SERGEF: variants seen among roughly 807,000 people sequenced by gnomAD.
SERGEF encodes the protein secretion-regulating guanine nucleotide exchange factor.
SERGEF carries 51 observed loss-of-function variants against 50.0 expected under a neutral mutation model. The observed-to-expected ratio is 1.02, with a 90% CI of 0.81 to 1.29. The LOEUF is 1.29. Among genes scored for constraint, SERGEF ranks in the 50% most tolerant of loss-of-function variants. SERGEF has a pLI of 0.00. For missense variants in SERGEF, 521 were observed against 557.0 expected (o/e 0.94, Z 0.65); for synonymous variants, 205 against 212.4 (o/e 0.97, Z 0.30).
At chr11:17,824,097 T>G (rs1479175896) in intron 10 of SERGEF, among the ~76,000 whole-genome samples, 2 of 152,112 alleles carry the variant, frequency 1.3e-5, no homozygotes, top group Non-Finnish European at 2.9e-5. Flanking sequence ...ATCAGGAGAT[T>G]GAGACCATCC....
intron 5 of SERGEF, among the ~76,000 whole-genome samples, chr11:17,997,160 G>A (rs1853853316): frequency 6.6e-6 from 1 of 152,186 alleles, no homozygotes; most frequent in South Asian, 2.1e-4. Flanking sequence ...TCACGCCACT[G>A]CACTCTAGCC....
intron 10 of SERGEF, among the ~76,000 whole-genome samples, chr11:17,821,744 A>T (rs1320082721): frequency 6.6e-6 from 1 of 152,246 alleles, no homozygotes; most frequent in Non-Finnish European, 1.5e-5. Flanking sequence ...ACATTGCTGT[A>T]ATACAGCAGT....
intron 10 of SERGEF, among the ~76,000 whole-genome samples, chr11:17,843,813 G>A (rs746242128): frequency 5.9e-5 from 9 of 152,028 alleles, no homozygotes; most frequent in Non-Finnish European, 1.0e-4. Context: ...GAGCACTCTA[G>A]GGAAAAAAGG....
In SERGEF at chr11:18,000,761, C is replaced by T. The variant is rs111595789; in HGVS notation, c.448-204G>A. 2.2e-5 allele frequency: 9 copies of T among 417,076 alleles called. 1 individual carries two copies. Among genetic ancestry groups the T allele is most frequent in the Admixed American group, 6.0e-5 (2 of 33,410 alleles). 25.8% of individuals were successfully genotyped at this position (417,076 alleles called of 1,614,324 possible). The stretch of plus-strand genomic sequence containing the variant: ...ATATATCTTTTAAAATACCATATCA[C>T]AATACCATATGACAACAACTCTCAG... On this transcript the variant is annotated intron_variant, in intron 4 of 10. Coordinates refer to ENST00000265965, the MANE Select transcript of SERGEF (RefSeq NM_012139.4).
At chr11:17,970,239 T>C (rs918622989) in intron 8 of SERGEF, among the ~76,000 whole-genome samples, 5 of 152,238 alleles carry the variant, frequency 3.3e-5, no homozygotes, top group African/African-American at 1.2e-4. Flanking sequence ...TTTTGCAATA[T>C]TTCAAACTTT....
intron 10 of SERGEF, among the ~76,000 whole-genome samples, chr11:17,865,774 A>G (rs1851010918): frequency 6.6e-6 from 1 of 152,220 alleles, no homozygotes; most frequent in African/African-American, 2.4e-5. Context: ...ATAGTAAGCT[A>G]TGGTTAATTT....
At chr11:17,812,404 G>C (rs1480143925) in intron 10 of SERGEF, among the ~76,000 whole-genome samples, 1 of 152,156 alleles carries the variant, frequency 6.6e-6, no homozygotes, top group Non-Finnish European at 1.5e-5. Context: ...CTCTTGCTTT[G>C]CAGTATATGC....
chr11:17,844,514 A>G (rs1245267155), intron 10 of SERGEF, among the ~76,000 whole-genome samples: 1 of 152,202 alleles, frequency 6.6e-6, no homozygotes, highest in African/African-American at 2.4e-5. Context: ...AAATTAATCA[A>G]GGATAGTGCT....
At chr11:17,947,416 A>G (rs1436582789) in intron 9 of SERGEF, among the ~76,000 whole-genome samples, 1 of 152,248 alleles carries the variant, frequency 6.6e-6, no homozygotes, top group Non-Finnish European at 1.5e-5. Flanking sequence ...AGAAAGAATC[A>G]TGAGGAATTA....
chr11:17,882,279 C>G (rs1046327204), intron 9 of SERGEF, among the ~76,000 whole-genome samples: 3 of 151,908 alleles, frequency 2.0e-5, no homozygotes, highest in Non-Finnish European at 4.4e-5. Flanking sequence ...ATTGGTGGGG[C>G]GTGGTGGCGG....
intron 10 of SERGEF, among the ~76,000 whole-genome samples, chr11:17,872,297 CTTTTCTATATCTTGCTCTGGAT>C (rs1313736586): frequency 0.012 from 19 of 1,634 alleles, no homozygotes; most frequent in Admixed American, 0.041. Context: ...ATGGTGTTTT[CTTTTCTATATCTTGCTCTGGAT>C]GGTGTTTTCT....
chr11:17,913,786 A>C (rs1213606146), intron 9 of SERGEF, among the ~76,000 whole-genome samples: 1 of 152,016 alleles, frequency 6.6e-6, no homozygotes, highest in East Asian at 1.9e-4. Context: ...GCCCTCACAC[A>C]GCCTGGTTGT....
intron 2 of SERGEF, among the ~76,000 whole-genome samples, chr11:18,006,991 T>C (rs544098483): frequency 1.3e-5 from 2 of 152,336 alleles, no homozygotes. Context: ...AAACTGAGCA[T>C]CTACTGGAAC....
At chr11:17,943,292 CTT>C (rs1852595477) in intron 9 of SERGEF, among the ~76,000 whole-genome samples, 1 of 152,076 alleles carries the variant, frequency 6.6e-6, no homozygotes, top group South Asian at 2.1e-4. Flanking sequence ...TCAATTTCCT[CTT>C]GTGTTTTTGT....
rs144474774 is a variant in SERGEF at position 17,821,558 on chromosome 11, T to C, written c.1049-33145A>G. Reference sequence around the variant, plus strand: ...TTGCAGTTCCTCAAACATAATATGCTATGTCATGCCTCCATGTCTTTGCAT... The same window carrying C: ...TTGCAGTTCCTCAAACATAATATGCCATGTCATGCCTCCATGTCTTTGCAT... On this transcript the variant is annotated intron_variant, in intron 10 of 10. Transcript: ENST00000265965. Among the ~76,000 whole-genome samples, 402 of 152,328 alleles carry C rather than the reference T, an allele frequency of 2.6e-3. 1 individual carries two copies. The highest frequency in any genetic ancestry group is 9.4e-3 in the African/African-American group (392 of 41,570).
intron 8 of SERGEF, among the ~76,000 whole-genome samples, chr11:17,964,613 G>T (rs1853080240): frequency 6.6e-6 from 1 of 152,210 alleles, no homozygotes; most frequent in South Asian, 2.1e-4. Flanking sequence ...GTAAGACAGA[G>T]AAAAGGTCAC....
At chr11:17,953,890 G>T (rs375564843) in intron 9 of SERGEF, among the ~76,000 whole-genome samples, 2 of 152,136 alleles carry the variant, frequency 1.3e-5, no homozygotes, top group African/African-American at 2.4e-5. Context: ...GGACAAATCC[G>T]GTCCACCACT....
intron 9 of SERGEF, among the ~76,000 whole-genome samples, chr11:17,951,709 A>G (rs1335225478): frequency 6.6e-6 from 1 of 152,182 alleles, no homozygotes; most frequent in Non-Finnish European, 1.5e-5. Flanking sequence ...AGGGCTAGCA[A>G]TGAGAAAAAT....
At chr11:18,011,137 T>TACACACAC (rs57370560) in intron 1 of SERGEF, among the ~76,000 whole-genome samples, 7,736 of 147,672 alleles carry the variant, frequency 0.052, 204 homozygotes, top group Non-Finnish European at 0.061. Context: ...CATGCACACA[T>TACACACAC]ACACACACAC....
Sources: allele counts gnomAD v4.1 joint callset (sites outside exome capture counted in the v4.1 genomes callset), GRCh38; gene constraint gnomAD v4.1.1; transcripts MANE v1.5; gene names NCBI Gene and HGNC (gene_info 2026-07-23, HGNC 2026-07-21).